The following NRG1 variants were observed in gnomAD, a reference collection of about 807,000 sequenced individuals.
NRG1 encodes neuregulin 1, also known as pro-neuregulin-1, membrane-bound isoform.
NRG1 carries 18 observed loss-of-function variants against 63.8 expected under a neutral mutation model. The observed-to-expected ratio is 0.28, with a 90% CI of 0.19 to 0.42. The LOEUF is 0.42. NRG1 is among the 10% of genes least tolerant of loss of function. The pLI is 1.00. For synonymous variants in NRG1, 302 were observed against 301.3 expected (o/e 1.00, Z -0.02); for missense variants, 762 against 814.7 (o/e 0.94, Z 0.79).
intron 1 of NRG1, among the ~76,000 whole-genome samples, chr8:32,162,558 C>T (rs1384990807): frequency 6.6e-6 from 1 of 152,064 alleles, no homozygotes; most frequent in Admixed American, 6.5e-5. Context: ...ACAGACAAAA[C>T]TTGGAGGCAT....
rs183433416 is a variant in NRG1, at chr8:31,693,674, T to C, written c.37+54243T>C. Among the ~76,000 whole-genome samples, 21 of 152,342 alleles carry C rather than the reference T, an allele frequency of 1.4e-4. No homozygotes were observed. In the East Asian group the frequency reaches 2.9e-3, roughly 21 times the overall value. ...ATCCTCTCTTGAATACACTAGGTTC[T>C]GGTTCCTCTTGTGGAAGAATGAAGC... On this transcript the variant is annotated intron_variant, in intron 1 of 10. Coordinates refer to the NRG1 transcript ENST00000519301.
intron 3 of NRG1, among the ~76,000 whole-genome samples, chr8:32,608,776 C>G (rs913672039): frequency 6.6e-5 from 10 of 152,240 alleles, no homozygotes; most frequent in African/African-American, 1.7e-4. Flanking sequence ...ACCTTCTCAC[C>G]TCTCCTACTT....
intron 1 of NRG1, among the ~76,000 whole-genome samples, chr8:31,925,171 T>TACGTATATATACATATATACGTA (rs1585805953): frequency 6.7e-6 from 1 of 148,506 alleles, no homozygotes; most frequent in Non-Finnish European, 1.5e-5. Flanking sequence ...TATACATATA[T>TACGTATATATACATATATACGTA]TTGCTTTTGA....
chr8:31,777,166 A>T (rs1266868503), intron 1 of NRG1, among the ~76,000 whole-genome samples: 1 of 152,220 alleles, frequency 6.6e-6, no homozygotes, highest in African/African-American at 2.4e-5. Flanking sequence ...TGACTACTGG[A>T]TGTCTGGTCT....
chr8:32,422,524 A>G (rs1816815774), intron 1 of NRG1, among the ~76,000 whole-genome samples: 1 of 152,212 alleles, frequency 6.6e-6, no homozygotes, highest in Non-Finnish European at 1.5e-5. Flanking sequence ...TCATGCATTC[A>G]TCTTTGAGCT....
chr8:32,656,660 C>G (rs1207853343), intron 5 of NRG1, among the ~76,000 whole-genome samples: 2 of 152,102 alleles, frequency 1.3e-5, no homozygotes, highest in African/African-American at 4.8e-5. Flanking sequence ...GTTATTCACT[C>G]AAGTATAATA....
At chr8:32,269,335 A>T in intron 1 of NRG1, among the ~76,000 whole-genome samples, 1 of 152,198 alleles carries the variant, frequency 6.6e-6, no homozygotes, top group East Asian at 1.9e-4. Flanking sequence ...ATAGTTTTAA[A>T]TTCTAGCAAT....
At chr8:32,670,220 TTTGA>T (rs1805275784) in intron 5 of NRG1, among the ~76,000 whole-genome samples, 1 of 152,230 alleles carries the variant, frequency 6.6e-6, no homozygotes, top group African/African-American at 2.4e-5. Flanking sequence ...GCTTTGGCTC[TTTGA>T]TTAAGTGCAG....
At chr8:32,727,192 A>G (rs747518134) in intron 5 of NRG1, among the ~76,000 whole-genome samples, 8 of 152,236 alleles carry the variant, frequency 5.3e-5, no homozygotes, top group Admixed American at 3.3e-4. Flanking sequence ...TAAGTTCATT[A>G]TATGAAGGTG....
At chr8:32,406,270 C>T (rs1308407758) in intron 1 of NRG1, among the ~76,000 whole-genome samples, 2 of 152,230 alleles carry the variant, frequency 1.3e-5, no homozygotes, top group African/African-American at 2.4e-5. Flanking sequence ...GGCACGGTCT[C>T]GGGAACCAGA....
chr8:31,952,455 G>A (rs1003405642), intron 1 of NRG1, among the ~76,000 whole-genome samples: 1 of 152,194 alleles, frequency 6.6e-6, no homozygotes, highest in Non-Finnish European at 1.5e-5. Flanking sequence ...TCTCAGGGGA[G>A]CAGAGTATGT....
At chr8:32,470,699 C>T (rs1587837503) in intron 1 of NRG1, among the ~76,000 whole-genome samples, 1 of 152,176 alleles carries the variant, frequency 6.6e-6, no homozygotes, top group Non-Finnish European at 1.5e-5. Flanking sequence ...TACCCTAATA[C>T]TTCCGAAATG....
At chr8:32,593,083 T>C (rs1842792538) in intron 1 of NRG1, among the ~76,000 whole-genome samples, 1 of 152,120 alleles carries the variant, frequency 6.6e-6, no homozygotes, top group Admixed American at 6.5e-5. Context: ...GTCATCTTCA[T>C]GTTGAGTAGG....
chr8:32,378,376 A>T (rs1587210005), intron 1 of NRG1, among the ~76,000 whole-genome samples: 1 of 152,116 alleles, frequency 6.6e-6, no homozygotes, highest in Non-Finnish European at 1.5e-5. Flanking sequence ...GCTTCCATTT[A>T]CTCACTGAGT....
At chr8:31,916,812 G>T (rs1184966888) in intron 1 of NRG1, among the ~76,000 whole-genome samples, 1 of 151,762 alleles carries the variant, frequency 6.6e-6, no homozygotes, top group African/African-American at 2.4e-5. Context: ...CTAGTTTACA[G>T]TCCCACCAAC....
chr8:31,970,645 T>C (rs565144368), intron 1 of NRG1, among the ~76,000 whole-genome samples: 8 of 152,236 alleles, frequency 5.3e-5, no homozygotes, highest in Admixed American at 2.6e-4. Flanking sequence ...ACCTGGCCTG[T>C]TACCACCCAC....
At chr8:32,363,017 A>G (rs964699937) in intron 1 of NRG1, among the ~76,000 whole-genome samples, 5 of 152,180 alleles carry the variant, frequency 3.3e-5, no homozygotes, top group Non-Finnish European at 5.9e-5. Flanking sequence ...GGGGTGTGCA[A>G]TTAACTCTGC....
At chr8:32,233,884 C>A (rs906786625) in intron 1 of NRG1, among the ~76,000 whole-genome samples, 2 of 151,932 alleles carry the variant, frequency 1.3e-5, no homozygotes, top group Non-Finnish European at 2.9e-5. Context: ...TAGTATAAAC[C>A]TTATGTGTTC....
chr8:32,610,528 C>A (rs1008547324), intron 3 of NRG1, among the ~76,000 whole-genome samples: 1 of 152,018 alleles, frequency 6.6e-6, no homozygotes, highest in Non-Finnish European at 1.5e-5. Flanking sequence ...TAAATATAAA[C>A]GAAATGATTA....
Sources: allele counts gnomAD v4.1 joint callset (sites outside exome capture counted in the v4.1 genomes callset), GRCh38; gene constraint gnomAD v4.1.1; transcripts MANE v1.5; gene names NCBI Gene and HGNC (gene_info 2026-07-23, HGNC 2026-07-21).